The following RPN2 variants were observed in gnomAD, a reference collection of about 807,000 sequenced individuals.
RPN2 encodes the protein ribophorin II.
Under a neutral mutation model 71.4 loss-of-function variants are expected in RPN2, and 29 were observed. That is an observed-to-expected ratio of 0.41 (90% CI 0.30 to 0.55). The LOEUF (loss-of-function observed/expected upper bound fraction) is 0.55, where lower values mean the gene tolerates loss of function less well. Ranked by LOEUF, RPN2 falls within the 20% of genes least tolerant of loss-of-function variation. The probability of loss-of-function intolerance (pLI) is 0.35; values close to 1 mark genes in which losing one functional copy is unlikely to be tolerated. For synonymous variants in RPN2, 308 were observed against 305.0 expected (o/e 1.01, Z -0.10); for missense variants, 726 against 774.1 (o/e 0.94, Z 0.74).
chr20:37,196,800 C>A (rs192012121), intron 2 of RPN2, among the ~76,000 whole-genome samples: 1 of 152,180 alleles, frequency 6.6e-6, no homozygotes, highest in African/African-American at 2.4e-5. Flanking sequence ...CGAGGAGAGT[C>A]GTAGTAGCGG....
In RPN2 at chr20:37,232,322, G is replaced by GC; in HGVS notation, c.1614dup (p.Thr539HisfsTer37). ...ACCTGTTCCGCGAGCCTGAGAAGAG[G>GC]CCCCCCACCGTGGTGTCCAATACAT... On this transcript the variant is annotated frameshift_variant, in exon 14 of 17. Coordinates refer to ENST00000237530, the MANE Select transcript of RPN2 (RefSeq NM_002951.5). LOFTEE classifies it high-confidence loss of function. 1 of 1,614,164 alleles carries GC rather than the reference G, an allele frequency of 6.2e-7. No homozygotes were observed. Among genetic ancestry groups the GC allele is most frequent in the Non-Finnish European group, 8.5e-7 (1 of 1,180,004 alleles).
chr20:37,204,008 T>G, intron 5 of RPN2, 48 bp downstream of exon 5: 1 of 1,349,070 alleles, frequency 7.4e-7, no homozygotes, highest in Non-Finnish European at 1.1e-6. Flanking sequence ...TCTTTGACAC[T>G]CTGCAGAAGA....
intron 9 of RPN2, among the ~76,000 whole-genome samples, chr20:37,216,990 G>T (rs977768037): frequency 6.6e-6 from 1 of 151,590 alleles, no homozygotes; most frequent in Non-Finnish European, 1.5e-5. Flanking sequence ...GAGTGCAGTG[G>T]CGTGATCATG....
intron 9 of RPN2, among the ~76,000 whole-genome samples, chr20:37,215,437 T>C (rs1289665376): frequency 3.0e-4 from 46 of 152,260 alleles, no homozygotes; most frequent in Admixed American, 3.0e-3. Flanking sequence ...GCGTATGCCT[T>C]GATCCTTTCA....
chr20:37,181,848 C>T (rs1304396607), intron 1 of RPN2, among the ~76,000 whole-genome samples: 1 of 152,190 alleles, frequency 6.6e-6, no homozygotes, highest in Non-Finnish European at 1.5e-5. Context: ...TGCAGCCCTT[C>T]CCAAATATCT....
intron 1 of RPN2, among the ~76,000 whole-genome samples, chr20:37,180,398 G>A (rs150759519): frequency 1.2e-4 from 18 of 152,304 alleles, no homozygotes; most frequent in African/African-American, 4.1e-4. Context: ...GATGTTGTGA[G>A]GATTTAATGA....
At chr20:37,194,772 C>T (rs569239823) in intron 2 of RPN2, among the ~76,000 whole-genome samples, 6 of 152,174 alleles carry the variant, frequency 3.9e-5, no homozygotes, top group South Asian at 2.1e-4. Flanking sequence ...TGGGGAAAAG[C>T]GGGCCTGGTT....
At chr20:37,179,461 C>G (rs777314104) in intron 1 of RPN2, 92 bp downstream of exon 1, 84 of 1,440,220 alleles carry the variant, frequency 5.8e-5, no homozygotes, top group Non-Finnish European at 7.3e-5. Context: ...GGATCCCCTT[C>G]CCCTGCGGGA....
intron 16 of RPN2, 97 bp from the exon 17 acceptor site, chr20:37,241,206 G>C: frequency 7.4e-7 from 1 of 1,349,140 alleles, no homozygotes; most frequent in Non-Finnish European, 1.1e-6. Context: ...ATCTTAGAGC[G>C]GGAGAGTACC....
chr20:37,189,460 A>G (rs1299741505), intron 2 of RPN2, among the ~76,000 whole-genome samples: 3 of 152,140 alleles, frequency 2.0e-5, no homozygotes, highest in Non-Finnish European at 2.9e-5. Flanking sequence ...GTATTTACCA[A>G]CTGGTCCTTT....
At chr20:37,193,057 G>T (rs1352296798) in intron 2 of RPN2, among the ~76,000 whole-genome samples, 1 of 152,192 alleles carries the variant, frequency 6.6e-6, no homozygotes, top group African/African-American at 2.4e-5. Flanking sequence ...GAGCCCAGGA[G>T]TTGGAGGCTG....
intron 15 of RPN2, 99 bp downstream of exon 15, chr20:37,234,194 A>G: frequency 8.9e-7 from 1 of 1,122,112 alleles, no homozygotes; most frequent in South Asian, 1.3e-5. Flanking sequence ...ATTACCTATA[A>G]TGACTTAATA....
rs369787739 is a variant in RPN2, at chr20:37,234,114, T to C, written c.1753+19T>C. 1.2e-6 allele frequency: 2 copies of C among 1,612,722 alleles called. No individual in the cohort carries two copies. The highest frequency in any genetic ancestry group is 1.7e-6 in the Non-Finnish European group (2 of 1,179,058). On this transcript the variant is annotated intron_variant, in intron 15 of 16. Coordinates refer to ENST00000237530, the MANE Select transcript of RPN2 (RefSeq NM_002951.5). ...CATGCTGGTAAGTGCCCCAGGCTGC[T>C]AATTACCTGTAACGTCCTCTGACAT...
intron 8 of RPN2, among the ~76,000 whole-genome samples, chr20:37,211,899 G>A (rs1010945799): frequency 1.3e-5 from 2 of 151,526 alleles, no homozygotes; most frequent in East Asian, 2.0e-4. Flanking sequence ...CACCATGCCC[G>A]GCTAATTTTC....
chr20:37,229,958 T>A lies in RPN2; in HGVS notation c.1495-15T>A, dbSNP rs753685163. Reference sequence around the variant, plus strand: ...TCTGCCCCTGTGCTTTTACAGACTGTCCTTATTTTTCTAGGCTGATGTGGT... The same window carrying A: ...TCTGCCCCTGTGCTTTTACAGACTGACCTTATTTTTCTAGGCTGATGTGGT... On this transcript the variant is annotated splice_polypyrimidine_tract_variant and intron_variant, in intron 12 of 16. Transcript: ENST00000237530. 6.2e-7 allele frequency: 1 copy of A among 1,601,786 alleles called. No individual in the cohort carries two copies. Among genetic ancestry groups the A allele is most frequent in the African/African-American group, 1.3e-5 (1 of 74,590 alleles).
At chr20:37,231,660 T>C (rs998024808) in intron 13 of RPN2, among the ~76,000 whole-genome samples, 8 of 150,752 alleles carry the variant, frequency 5.3e-5, no homozygotes, top group African/African-American at 1.7e-4. Context: ...TACAGCAAGC[T>C]ATGATGGTGC....
chr20:37,186,997 C>T (rs576830718), intron 2 of RPN2, among the ~76,000 whole-genome samples: 11 of 152,174 alleles, frequency 7.2e-5, no homozygotes, highest in Non-Finnish European at 1.0e-4. Context: ...ACAGGTGGTG[C>T]TGTGGACTTC....
At chr20:37,220,510 A>T (rs1320371985) in intron 9 of RPN2, among the ~76,000 whole-genome samples, 1 of 152,088 alleles carries the variant, frequency 6.6e-6, no homozygotes, top group African/African-American at 2.4e-5. Flanking sequence ...GGGTGTTATT[A>T]CTCCCAGCAG....
chr20:37,214,155 A>G (rs1020501010), intron 9 of RPN2, among the ~76,000 whole-genome samples: 1 of 152,248 alleles, frequency 6.6e-6, no homozygotes, highest in African/African-American at 2.4e-5. Context: ...AAAAATAAAA[A>G]TCACCCATAA....
Sources: gnomAD v4.1 joint callset for allele counts (sites outside exome capture counted in the v4.1 genomes callset) on GRCh38, gnomAD v4.1.1 for gene constraint, MANE v1.5 for transcripts, NCBI Gene and HGNC (gene_info 2026-07-23, HGNC 2026-07-21) for gene names.